The following ACVR1B variants were observed in gnomAD, a reference collection of about 807,000 sequenced individuals.
ACVR1B encodes the protein activin receptor type-1B.
In ACVR1B, 15 loss-of-function variants were observed where a neutral mutation model predicts 55.6. The observed-to-expected ratio is 0.27, with a 90% CI of 0.18 to 0.42. ACVR1B has a LOEUF of 0.42. ACVR1B is among the 10% of genes least tolerant of loss of function. The probability of loss-of-function intolerance (pLI) is 1.00; values close to 1 mark genes in which losing one functional copy is unlikely to be tolerated. For missense variants in ACVR1B, 359 were observed against 670.1 expected (o/e 0.54, Z 5.13); for synonymous variants, 247 against 254.6 (o/e 0.97, Z 0.28).
At chr12:51,978,829 C>CAAAAAA (rs34088542) in intron 3 of ACVR1B, among the ~76,000 whole-genome samples, 1 of 48,276 alleles carries the variant, frequency 2.1e-5, no homozygotes, top group Non-Finnish European at 4.7e-5. Context: ...GACTCCGTCT[C>CAAAAAA]AAAAAAAAAA....
intron 1 of ACVR1B, chr12:51,953,396 A>G (rs1941348414): frequency 1.0e-6 from 1 of 985,248 alleles, no homozygotes; most frequent in Non-Finnish European, 1.2e-6. Flanking sequence ...TCTCCTAAGC[A>G]CCTCGTGTGT....
At chr12:51,988,009 A>G (rs1465247806) in intron 7 of ACVR1B, among the ~76,000 whole-genome samples, 3 of 152,232 alleles carry the variant, frequency 2.0e-5, no homozygotes, top group Admixed American at 6.5e-5. Context: ...AAAAAAATCT[A>G]ATCTACAAAA....
At chr12:51,954,830 GAC>G (rs750480430) in intron 1 of ACVR1B, among the ~76,000 whole-genome samples, 8 of 152,218 alleles carry the variant, frequency 5.3e-5, no homozygotes, top group African/African-American at 9.6e-5. Flanking sequence ...GGTATTTTTA[GAC>G]ACAGTTTCTG....
At chr12:51,990,312 C>CTTTTTTTTTTTTTTT (rs71092738) in intron 7 of ACVR1B, among the ~76,000 whole-genome samples, 2 of 89,588 alleles carry the variant, frequency 2.2e-5, no homozygotes, top group African/African-American at 4.5e-5. Context: ...AAATTTAGTG[C>CTTTTTTTTTTTTTTT]TTTTTTTTTT....
intron 5 of ACVR1B, among the ~76,000 whole-genome samples, chr12:51,984,837 A>G (rs1183274407): frequency 6.6e-6 from 1 of 152,240 alleles, no homozygotes; most frequent in African/African-American, 2.4e-5. Context: ...TAGGCATTGC[A>G]GCAACTTCCC....
chr12:51,992,077 C>G (rs1365768254), intron 8 of ACVR1B, 84 bp downstream of exon 8: 6 of 1,561,556 alleles, frequency 3.8e-6, no homozygotes, highest in Non-Finnish European at 5.3e-6. Flanking sequence ...GGGTCAGGCC[C>G]CAGAGGAGCC....
chr12:51,987,180 T>G (rs1942096580), intron 7 of ACVR1B: 1 of 699,318 alleles, frequency 1.4e-6, no homozygotes. Context: ...TGAAGGCTCG[T>G]TTGGCTTTAT....
At chr12:51,991,551 G>A (rs193136479) in intron 7 of ACVR1B, among the ~76,000 whole-genome samples, 268 of 152,284 alleles carry the variant, frequency 1.8e-3, no homozygotes, top group Middle Eastern at 3.4e-3. Flanking sequence ...ACAGGTGTTT[G>A]CCACCATGCC....
intron 7 of ACVR1B, among the ~76,000 whole-genome samples, chr12:51,991,041 C>G (rs1942182994): frequency 6.6e-6 from 1 of 152,088 alleles, no homozygotes; most frequent in Admixed American, 6.5e-5. Flanking sequence ...GTGATATTGT[C>G]CAAAACTAAG....
intron 1 of ACVR1B, among the ~76,000 whole-genome samples, chr12:51,957,460 A>AAT (rs1941436873): frequency 6.9e-6 from 1 of 145,140 alleles, no homozygotes; most frequent in African/African-American, 2.6e-5. Flanking sequence ...AAAAAAAAAA[A>AAT]GCCAAAAACA....
At position 51,976,280 on chromosome 12, in the gene ACVR1B, T is replaced by A; in HGVS notation, c.332-47T>A. ...GAGGGGGGTGTTTTTACTCTTTCCC[T>A]TGTTTTTACTTCTCATTCTTTCCCT... On this transcript the variant is annotated intron_variant, in intron 2 of 8. Transcript: ENST00000257963. The A allele has an allele frequency of 1.9e-6, 3 of 1,609,902 alleles. No individual in the cohort carries two copies. The South Asian group carries it at 3.3e-5, about 18-fold the overall frequency.
chr12:51,978,713 C>T (rs550895329), intron 3 of ACVR1B, among the ~76,000 whole-genome samples: 3 of 151,656 alleles, frequency 2.0e-5, no homozygotes, highest in African/African-American at 7.3e-5. Flanking sequence ...GCCTGTAGTC[C>T]CAGGTACTCA....
In ACVR1B at chr12:51,994,228, T is replaced by A. The variant is rs1942255433; in HGVS notation, c.*118T>A. Reference sequence around the variant, plus strand: ...CCCAGCCCTCTGTGGCCAGGAGCCCTGGCCCGCAAGAGGGACAGAGCCCGG... The same window carrying A: ...CCCAGCCCTCTGTGGCCAGGAGCCCAGGCCCGCAAGAGGGACAGAGCCCGG... On this transcript the variant is annotated 3_prime_UTR_variant, in exon 9 of 9. Coordinates refer to ENST00000257963, the MANE Select transcript of ACVR1B (RefSeq NM_004302.5). The surrounding 1 kb of genome is among the most constrained non-coding windows in gnomAD (Gnocchi z 4.2). The A allele has an allele frequency of 6.8e-7, 1 of 1,465,308 alleles. No homozygotes were observed. Among genetic ancestry groups the A allele is most frequent in the African/African-American group, 1.4e-5 (1 of 71,212 alleles). 90.8% of individuals were successfully genotyped at this position (1,465,308 alleles called of 1,614,324 possible). A position where few individuals can be genotyped will look rare whatever the true frequency, so the allele number is the denominator to read the frequency against.
chr12:51,987,058 T>G, intron 7 of ACVR1B, 116 bp downstream of exon 7: 1 of 1,404,376 alleles, frequency 7.1e-7, no homozygotes, highest in Non-Finnish European at 1.0e-6. Flanking sequence ...TGCCAGAGCC[T>G]GAATCATCGT....
intron 1 of ACVR1B, 120 bp downstream of exon 1, chr12:51,951,954 G>A (rs1353347503): frequency 3.8e-6 from 2 of 523,650 alleles, no homozygotes; most frequent in Non-Finnish European, 5.7e-6. Context: ...ATGGCCGGGT[G>A]GGGGGCGCAG....
intron 1 of ACVR1B, among the ~76,000 whole-genome samples, chr12:51,962,165 T>C (rs1344261345): frequency 6.6e-6 from 1 of 152,212 alleles, no homozygotes; most frequent in Non-Finnish European, 1.5e-5. Context: ...GGATATAGTG[T>C]GGAGCTGGCT....
chr12:51,991,708 G>A (rs1942194975), intron 7 of ACVR1B, among the ~76,000 whole-genome samples, 155 bp from the exon 8 acceptor site: 1 of 152,128 alleles, frequency 6.6e-6, no homozygotes, highest in South Asian at 2.1e-4. Flanking sequence ...GGCCCCTTTT[G>A]TGTATTTCTT....
At chr12:51,980,094 C>T (rs1941947551) in intron 3 of ACVR1B, among the ~76,000 whole-genome samples, 1 of 152,118 alleles carries the variant, frequency 6.6e-6, no homozygotes, top group Admixed American at 6.5e-5. Flanking sequence ...ATTACATAAC[C>T]TCCTCTTTGA....
chr12:51,991,598 T>C (rs1173091692), intron 7 of ACVR1B, among the ~76,000 whole-genome samples: 2 of 152,158 alleles, frequency 1.3e-5, no homozygotes, highest in Non-Finnish European at 2.9e-5. Flanking sequence ...GATGGGGTTT[T>C]ACCGTGTTGG....
Sources: gnomAD v4.1 joint callset for allele counts (sites outside exome capture counted in the v4.1 genomes callset) on GRCh38, gnomAD v4.1.1 for gene constraint, Gnocchi (gnomAD v3.1) non-coding constraint, MANE v1.5 for transcripts, NCBI Gene and HGNC (gene_info 2026-07-23, HGNC 2026-07-21) for gene names.